The following CHRM3 variants were observed in gnomAD, a reference collection of about 807,000 sequenced individuals.
CHRM3 encodes cholinergic receptor muscarinic 3.
CHRM3 carries 11 observed loss-of-function variants against 41.8 expected under a neutral mutation model. The observed-to-expected ratio is 0.26, with a 90% CI of 0.17 to 0.44. The LOEUF is 0.44. Among genes scored for constraint, CHRM3 ranks in the 20% least tolerant of loss-of-function variants. The pLI is 1.00. For missense variants in CHRM3, 571 were observed against 745.4 expected (o/e 0.77, Z 2.72); for synonymous variants, 297 against 301.4 (o/e 0.99, Z 0.15).
chr1:239,438,121 A>ATAATGTCAT (rs2103229254), intron 1 of CHRM3, among the ~76,000 whole-genome samples: 1 of 152,350 alleles, frequency 6.6e-6, no homozygotes, highest in African/African-American at 2.4e-5. Context: ...ATTTTAAAGT[A>ATAATGTCAT]TAATGAAACA....
In CHRM3 at chr1:239,580,596, C is replaced by G. The variant is rs564912217; in HGVS notation, c.-313+34847C>G. On this transcript the variant is annotated intron_variant, in intron 3 of 6. Coordinates refer to ENST00000676153, the MANE Select transcript of CHRM3 (RefSeq NM_001375978.1). ...AAAACTAATAGTACAATCTGAGCTCCAGACCTATCGTCAGAATCTCAGAAT... is the reference window on the plus strand; with the variant it reads ...AAAACTAATAGTACAATCTGAGCTCGAGACCTATCGTCAGAATCTCAGAAT... Among the ~76,000 whole-genome samples the G allele has an allele frequency of 1.1e-4, 16 of 150,570 alleles. No homozygotes were observed. The East Asian group carries it at 3.0e-3, about 28-fold the overall frequency.
At chr1:239,600,845 T>A (rs1395219895) in intron 3 of CHRM3, among the ~76,000 whole-genome samples, 1 of 151,750 alleles carries the variant, frequency 6.6e-6, no homozygotes, top group Non-Finnish European at 1.5e-5. Flanking sequence ...ATTGCATGCA[T>A]TCTTTCTTTC....
At chr1:239,658,801 C>A (rs951784967) in intron 4 of CHRM3, among the ~76,000 whole-genome samples, 1 of 151,346 alleles carries the variant, frequency 6.6e-6, no homozygotes, top group Non-Finnish European at 1.5e-5. Flanking sequence ...TGCAGTGGTG[C>A]GATCTTGGCT....
At position 239,908,769 on chromosome 1, in the gene CHRM3, A is replaced by C; in HGVS notation, c.1318A>C (p.Thr440Pro). 6.2e-7 allele frequency: 1 copy of C among 1,613,956 alleles called. No homozygotes were observed. The highest frequency in any genetic ancestry group is 8.5e-7 in the Non-Finnish European group (1 of 1,179,988). ...QLESAVDTAK[T>P]SDVNSSVGKS... is the part of the protein sequence containing the mutation. ...AGAGTCAGCCGTGGACACAGCTAAG[A>C]CTTCTGACGTCAACTCCTCAGTGGG... The change falls in exon 7 of 7, where the codon ACT becomes CCT. Residue 440 changes from threonine to proline, a missense_variant. Around this residue, in one of 5 missense-constraint regions of CHRM3, gnomAD observed 239 missense variants for 239.6 expected, o/e 1.00. Transcript: ENST00000676153. This position sits in a 1 kb window ranked among gnomAD's most constrained non-coding sequence, Gnocchi z 7.2.
At chr1:239,666,335 C>T (rs543350093) in intron 4 of CHRM3, among the ~76,000 whole-genome samples, 272 of 148,122 alleles carry the variant, frequency 1.8e-3, no homozygotes, top group African/African-American at 6.4e-3. Context: ...GCTGGGACTA[C>T]GGGTGCCTGC....
At chr1:239,682,479 C>T (rs1658663906) in intron 5 of CHRM3, among the ~76,000 whole-genome samples, 1 of 152,100 alleles carries the variant, frequency 6.6e-6, no homozygotes, top group African/African-American at 2.4e-5. Context: ...TTTGCCACTA[C>T]ATGGAAGAGC....
chr1:239,872,234 A>G (rs947735897), intron 6 of CHRM3, among the ~76,000 whole-genome samples: 2 of 152,200 alleles, frequency 1.3e-5, no homozygotes, highest in Admixed American at 6.5e-5. Flanking sequence ...AAGTCAGAAG[A>G]TCTCACCTTG....
intron 5 of CHRM3, among the ~76,000 whole-genome samples, chr1:239,724,240 G>T (rs914084034): frequency 1.3e-5 from 2 of 151,840 alleles, no homozygotes; most frequent in East Asian, 1.9e-4. Flanking sequence ...AGCTCTTAAT[G>T]AAATGAAGTA....
rs116704004 is a variant in CHRM3, at chr1:239,598,107, G to A, written c.-312-34117G>A. 6.3e-3 allele frequency among the ~76,000 whole-genome samples: 959 copies of A among 152,126 alleles called. 10 individuals are homozygous for A. The highest frequency in any genetic ancestry group is 0.022 in the African/African-American group (915 of 41,492). Reference sequence around the variant, plus strand: ...GAAGGCCAGGGGCACACACTAGGACGCACAGCTCACAAACGACTACCAGGG... The same window carrying A: ...GAAGGCCAGGGGCACACACTAGGACACACAGCTCACAAACGACTACCAGGG... On this transcript the variant is annotated intron_variant, in intron 3 of 6. Transcript: ENST00000676153.
intron 3 of CHRM3, among the ~76,000 whole-genome samples, chr1:239,611,622 T>C (rs1423668726): frequency 6.6e-6 from 1 of 152,090 alleles, no homozygotes; most frequent in Non-Finnish European, 1.5e-5. Context: ...GGTTTCACCA[T>C]GTTGGCCAGG....
intron 3 of CHRM3, among the ~76,000 whole-genome samples, chr1:239,593,489 A>AC (rs1238608205): frequency 7.2e-4 from 35 of 48,350 alleles, no homozygotes; most frequent in Non-Finnish European, 2.8e-3. Flanking sequence ...TTTAAAAAAA[A>AC]AAAACTCAAA....
intron 5 of CHRM3, among the ~76,000 whole-genome samples, chr1:239,729,827 T>C (rs1663792424): frequency 6.6e-6 from 1 of 151,916 alleles, no homozygotes; most frequent in South Asian, 2.1e-4. Context: ...TTTATAGAAA[T>C]GGTTTTAGAT....
At chr1:239,867,412 G>A (rs1380665441) in intron 6 of CHRM3, among the ~76,000 whole-genome samples, 2 of 152,158 alleles carry the variant, frequency 1.3e-5, no homozygotes, top group Non-Finnish European at 2.9e-5. Flanking sequence ...TATGGGCTGG[G>A]CCCGGTGGCT....
Position 239,851,841 on chromosome 1 carries a change from C to T in CHRM3, c.-20+24463C>T, listed in dbSNP as rs111802637. Among the ~76,000 whole-genome samples, 19 of 152,220 alleles carry T rather than the reference C, an allele frequency of 1.2e-4. 1 individual carries two copies. Among genetic ancestry groups the T allele is most frequent in the African/African-American group, 4.6e-4 (19 of 41,534 alleles). ...TTAGAGATGACACTTTATAAAAAAG[C>T]AGTTTCTAAATGAAAGGCTTTCCTA... On this transcript the variant is annotated intron_variant, in intron 6 of 6. Transcript: ENST00000676153.
intron 3 of CHRM3, among the ~76,000 whole-genome samples, chr1:239,568,052 A>G (rs1159134511): frequency 6.6e-6 from 1 of 152,112 alleles, no homozygotes; most frequent in Non-Finnish European, 1.5e-5. Context: ...CCTCACAGCA[A>G]CTGAGGGAGG....
chr1:239,911,575 T>A lies in CHRM3; in HGVS notation c.*2351T>A, dbSNP rs893442681. The A allele has an allele frequency of 1.2e-5, 2 of 167,022 alleles. No homozygotes were observed. Among genetic ancestry groups the A allele is most frequent in the East Asian group, 3.9e-4 (2 of 5,178 alleles). The allele number at this position is 167,022 out of a possible 1,614,324, so 10.3% of individuals were successfully genotyped here. A position where few individuals can be genotyped will look rare whatever the true frequency, so the allele number is the denominator to read the frequency against. ...AAAAAAAAAAGAAATAGAATTAAATTTGAGAAAAGGAGAAACCCTGAAATT... is the reference window on the plus strand; with the variant it reads ...AAAAAAAAAAGAAATAGAATTAAATATGAGAAAAGGAGAAACCCTGAAATT... On this transcript the variant is annotated 3_prime_UTR_variant, in exon 7 of 7. Transcript: ENST00000676153.
chr1:239,442,681 A>G (rs1224056500), intron 1 of CHRM3, among the ~76,000 whole-genome samples: 1 of 152,180 alleles, frequency 6.6e-6, no homozygotes, highest in African/African-American at 2.4e-5. Context: ...GGAATTTTTA[A>G]AAGTTGATTA....
rs148212202 is a variant in CHRM3, at chr1:239,712,181, A to G, written c.-147+33893A>G. Among the ~76,000 whole-genome samples, 20 of 152,320 alleles carry G rather than the reference A, an allele frequency of 1.3e-4. No individual in the cohort carries two copies. In the East Asian group the frequency reaches 3.9e-3, roughly 29 times the overall value. On this transcript the variant is annotated intron_variant, in intron 5 of 6. Coordinates refer to ENST00000676153, the MANE Select transcript of CHRM3 (RefSeq NM_001375978.1). Reference sequence around the variant, plus strand: ...GGATCAATAATTTTATAGATGTTTAAAAAATAATTTTATTCACTATAATTG... The same window carrying G: ...GGATCAATAATTTTATAGATGTTTAGAAAATAATTTTATTCACTATAATTG...
intron 5 of CHRM3, among the ~76,000 whole-genome samples, chr1:239,795,473 G>T (rs1400103306): frequency 2.0e-5 from 3 of 152,134 alleles, no homozygotes; most frequent in Admixed American, 2.0e-4. Flanking sequence ...TGTCTCTGAG[G>T]AAGTTTTCTG....
Sources: allele counts gnomAD v4.1 joint callset (sites outside exome capture counted in the v4.1 genomes callset), GRCh38; gene constraint gnomAD v4.1.1; regional missense constraint gnomAD v4.1.1; non-coding constraint Gnocchi (gnomAD v3.1); transcripts MANE v1.5; gene names NCBI Gene and HGNC (gene_info 2026-07-23, HGNC 2026-07-21).